Variants in CCSER1 observed in about 807,000 individuals in gnomAD.
CCSER1 encodes the protein serine-rich coiled-coil domain-containing protein 1.
A neutral mutation model predicts 82.0 loss-of-function variants in CCSER1; 41 were observed. The ratio of observed to expected loss-of-function variants is 0.50; its 90% CI spans 0.39 to 0.65. The LOEUF (loss-of-function observed/expected upper bound fraction) is 0.65. Among genes scored for constraint, CCSER1 ranks in the 30% least tolerant of loss-of-function variants. The probability of loss-of-function intolerance (pLI) is 0.00; values close to 1 mark genes in which losing one functional copy is unlikely to be tolerated. For missense variants in CCSER1, 1,119 were observed against 1,064.2 expected (o/e 1.05, Z -0.72); for synonymous variants, 414 against 383.9 (o/e 1.08, Z -0.92).
chr4:91,602,802 A>C lies in CCSER1; in HGVS notation c.*3745A>C, dbSNP rs2110369203. 6.6e-6 allele frequency among the ~76,000 whole-genome samples: 1 copy of C among 152,150 alleles called. No individual in the cohort carries two copies. Among genetic ancestry groups the C allele is most frequent in the Middle Eastern group, 3.4e-3 (1 of 294 alleles). ...TTCATGTTACTGAATCACATGCCCC[A>C]TAATCAGAAGCTTTTCCCTTATTGA... On this transcript the variant is annotated 3_prime_UTR_variant, in exon 11 of 11. Coordinates refer to ENST00000509176, the MANE Select transcript of CCSER1 (RefSeq NM_001145065.2).
chr4:91,090,269 A>T (rs1421292079), intron 10 of CCSER1, among the ~76,000 whole-genome samples: 1 of 152,192 alleles, frequency 6.6e-6, no homozygotes, highest in Non-Finnish European at 1.5e-5. Context: ...AGTGCCAATT[A>T]CACAGCTACC....
intron 9 of CCSER1, among the ~76,000 whole-genome samples, chr4:91,046,295 G>A (rs1006234168): frequency 1.3e-5 from 2 of 151,806 alleles, no homozygotes; most frequent in Non-Finnish European, 2.9e-5. Flanking sequence ...TAAGATGGAG[G>A]TCTTCTAAGT....
rs554790106 is a variant in CCSER1, at chr4:90,835,326, G to C, written c.2094+19481G>C. Among the ~76,000 whole-genome samples the C allele has an allele frequency of 1.3e-5, 2 of 152,028 alleles. 1 individual carries two copies. On this transcript the variant is annotated intron_variant, in intron 8 of 10. Transcript: ENST00000509176. Reference sequence around the variant, plus strand: ...AGCCCGGGCGACAGAGCCAAACTCCGTCTCAAAATTAAAATAAAATGAAAT... The same window carrying C: ...AGCCCGGGCGACAGAGCCAAACTCCCTCTCAAAATTAAAATAAAATGAAAT...
intron 10 of CCSER1, among the ~76,000 whole-genome samples, chr4:91,191,603 T>G (rs1370268244): frequency 6.6e-6 from 1 of 152,154 alleles, no homozygotes; most frequent in Non-Finnish European, 1.5e-5. Context: ...TCTCCATCAA[T>G]CTGATGTACA....
intron 3 of CCSER1, among the ~76,000 whole-genome samples, chr4:90,378,160 A>G (rs1748655221): frequency 2.0e-5 from 3 of 152,174 alleles, no homozygotes; most frequent in African/African-American, 7.2e-5. Flanking sequence ...TAGGTCTGCT[A>G]TCACTGAACC....
intron 10 of CCSER1, among the ~76,000 whole-genome samples, chr4:91,525,478 C>G (rs1316861057): frequency 1.3e-5 from 2 of 152,068 alleles, no homozygotes; most frequent in Non-Finnish European, 2.9e-5. Context: ...TGATTATGAA[C>G]CGTATAAAGG....
chr4:91,429,683 C>A, intron 10 of CCSER1, among the ~76,000 whole-genome samples: 1 of 151,820 alleles, frequency 6.6e-6, no homozygotes. Context: ...TTTATGCACA[C>A]GATAAATATA....
intron 10 of CCSER1, among the ~76,000 whole-genome samples, chr4:91,507,097 T>C (rs1759536030): frequency 6.6e-6 from 1 of 152,226 alleles, no homozygotes; most frequent in South Asian, 2.1e-4. Flanking sequence ...ATTACATTTA[T>C]GTACACATTT....
chr4:90,715,247 A>C (rs903689415), intron 6 of CCSER1, among the ~76,000 whole-genome samples: 10 of 151,944 alleles, frequency 6.6e-5, no homozygotes, highest in African/African-American at 2.4e-4. Flanking sequence ...TTATTCAGTT[A>C]ATTTTGAATC....
At chr4:90,317,000 T>G (rs1396984641) in intron 3 of CCSER1, among the ~76,000 whole-genome samples, 2 of 152,230 alleles carry the variant, frequency 1.3e-5, no homozygotes, top group African/African-American at 4.8e-5. Flanking sequence ...AGTAGCTTTC[T>G]GAATACATTT....
intron 9 of CCSER1, among the ~76,000 whole-genome samples, chr4:91,073,520 C>T (rs930582810): frequency 6.6e-6 from 1 of 151,900 alleles, no homozygotes; most frequent in Admixed American, 6.6e-5. Context: ...AAAACGAATC[C>T]TAAGTAAGAC....
chr4:91,381,170 G>T (rs1750860545), intron 10 of CCSER1, among the ~76,000 whole-genome samples: 2 of 152,096 alleles, frequency 1.3e-5, no homozygotes, highest in South Asian at 4.2e-4. Context: ...CTCTATGGCT[G>T]CCGTTAACAT....
intron 10 of CCSER1, among the ~76,000 whole-genome samples, chr4:91,363,715 T>C (rs541609009): frequency 5.3e-5 from 8 of 151,910 alleles, no homozygotes; most frequent in Non-Finnish European, 1.0e-4. Context: ...AAAGAGTCAG[T>C]GATTTTATTG....
At chr4:90,607,549 C>T (rs116545889) in intron 5 of CCSER1, among the ~76,000 whole-genome samples, 1,711 of 152,216 alleles carry the variant, frequency 0.011, 22 homozygotes, top group Middle Eastern at 0.02. Flanking sequence ...AGAAGCATCA[C>T]CCTGATTTCC....
chr4:91,490,898 AT>A, intron 10 of CCSER1, among the ~76,000 whole-genome samples: 1 of 69,430 alleles, frequency 1.4e-5, no homozygotes, highest in Non-Finnish European at 2.8e-5. Context: ...ATATATATAT[AT>A]ATATATATAT....
intron 8 of CCSER1, among the ~76,000 whole-genome samples, chr4:90,867,957 A>G (rs1473513937): frequency 1.3e-5 from 2 of 152,062 alleles, no homozygotes; most frequent in African/African-American, 4.8e-5. Context: ...TTCATGGACA[A>G]TTAGATTGCC....
At chr4:91,556,723 CTTTCA>C (rs935700442) in intron 10 of CCSER1, among the ~76,000 whole-genome samples, 1 of 150,902 alleles carries the variant, frequency 6.6e-6, no homozygotes, top group African/African-American at 2.4e-5. Flanking sequence ...ATTTCAGCAA[CTTTCA>C]TTTATTTTTA....
intron 9 of CCSER1, among the ~76,000 whole-genome samples, chr4:90,923,839 A>G (rs1397103530): frequency 6.6e-6 from 1 of 152,236 alleles, no homozygotes; most frequent in Non-Finnish European, 1.5e-5. Flanking sequence ...TTATATGCAG[A>G]CACTTAAAGG....
chr4:91,130,039 T>C (rs1727864740), intron 10 of CCSER1: 1 of 151,942 alleles, frequency 6.6e-6, no homozygotes, highest in African/African-American at 2.4e-5. Flanking sequence ...TCTTCTTAGG[T>C]ATACATTTTA....
Sources: gnomAD v4.1 joint callset for allele counts (sites outside exome capture counted in the v4.1 genomes callset) on GRCh38, gnomAD v4.1.1 for gene constraint, MANE v1.5 for transcripts, NCBI Gene and HGNC (gene_info 2026-07-23, HGNC 2026-07-21) for gene names.